Variants in USP8 observed in about 807,000 individuals in gnomAD.
The protein encoded by USP8 is ubiquitin specific peptidase 8, also known as ubiquitin carboxyl-terminal hydrolase 8.
Under a neutral mutation model 130.0 loss-of-function variants are expected in USP8, and 27 were observed. The observed-to-expected ratio is 0.21, with a 90% CI of 0.15 to 0.29. The LOEUF is 0.29. USP8 is among the 10% of genes least tolerant of loss of function. USP8 has a pLI of 1.00. For missense variants in USP8, 1,029 were observed against 1,312.2 expected (o/e 0.78, Z 3.33); for synonymous variants, 392 against 444.1 (o/e 0.88, Z 1.48).
intron 8 of USP8, among the ~76,000 whole-genome samples, chr15:50,472,588 C>G (rs1386457590): frequency 7.6e-6 from 1 of 132,202 alleles, no homozygotes; most frequent in African/African-American, 3.0e-5. Context: ...CAGAGCGAGA[C>G]TCTGTCTGGA....
chr15:50,440,565 G>A (rs1417648742), intron 2 of USP8, among the ~76,000 whole-genome samples: 2 of 152,116 alleles, frequency 1.3e-5, no homozygotes, highest in Non-Finnish European at 2.9e-5. Flanking sequence ...TTATTACTCT[G>A]TAATGTATAA....
chr15:50,477,556 A>G, intron 10 of USP8, 57 bp downstream of exon 10: 1 of 1,485,404 alleles, frequency 6.7e-7, no homozygotes. Flanking sequence ...AATATATAGT[A>G]TAGCTGGGCA....
chr15:50,477,310 T>C lies in USP8; in HGVS notation c.1029T>C (p.Ile343=). Residue 343 remains isoleucine, a synonymous_variant, in exon 10 of 20, where the codon ATT becomes ATC. Transcript: ENST00000307179. ...CTTATCCCTCATTGGAAGAATCAAT[T>C]CCTTCTAAACCTGCTGCCCAGACGC... The part of the protein sequence containing the change: ...DFTYPSLEES[I]PSKPAAQTPP... 1 of 1,613,112 alleles carries C rather than the reference T, an allele frequency of 6.2e-7. No homozygotes were observed. The highest frequency in any genetic ancestry group is 8.5e-7 in the Non-Finnish European group (1 of 1,179,824).
intron 1 of USP8, among the ~76,000 whole-genome samples, chr15:50,426,158 A>G (rs923369227): frequency 3.3e-5 from 5 of 152,196 alleles, no homozygotes; most frequent in African/African-American, 1.2e-4. Flanking sequence ...CATAATGGAA[A>G]ATAATCAAAA....
rs558069019 is a variant in USP8, at chr15:50,429,309, T to G, written c.-66+4795T>G. ...GGCATAAGCATCCTGGAGGTGTTTT[T>G]TTTTTTTTTTTTGGAGGTGTTATTT... On this transcript the variant is annotated intron_variant, in intron 1 of 19. Coordinates refer to ENST00000307179, the MANE Select transcript of USP8 (RefSeq NM_005154.5). 2.8e-4 allele frequency among the ~76,000 whole-genome samples: 42 copies of G among 151,692 alleles called. No homozygotes were observed. The Middle Eastern group carries it at 0.01, about 37-fold the overall frequency.
intron 3 of USP8, among the ~76,000 whole-genome samples, chr15:50,441,791 G>A (rs2050269798): frequency 1.3e-5 from 2 of 151,918 alleles, no homozygotes; most frequent in African/African-American, 2.4e-5. Flanking sequence ...GAAGGATTGA[G>A]TTTGCTCATT....
chr15:50,465,982 C>T (rs1244660747), intron 7 of USP8, among the ~76,000 whole-genome samples: 3 of 152,066 alleles, frequency 2.0e-5, no homozygotes, highest in South Asian at 2.1e-4. Flanking sequence ...GGTCCTGGCA[C>T]GAGTAAGGAC....
In USP8 at chr15:50,499,284, T is replaced by C. The variant is rs2052528802; in HGVS notation, c.*196T>C. 2.4e-6 allele frequency: 1 copy of C among 423,802 alleles called. No individual in the cohort carries two copies. Among genetic ancestry groups the C allele is most frequent in the Non-Finnish European group, 4.0e-6 (1 of 252,936 alleles). The allele number at this position is 423,802 out of a possible 1,614,324, so 26.3% of individuals were successfully genotyped here. On this transcript the variant is annotated 3_prime_UTR_variant, in exon 20 of 20. Transcript: ENST00000307179. ...AACAAGTATTGCAGTAATCATCACT[T>C]ACAGGTACCATTTATTTCAAAACAA...
intron 4 of USP8, among the ~76,000 whole-genome samples, chr15:50,458,332 G>A (rs920419909): frequency 7.9e-5 from 12 of 152,158 alleles, no homozygotes; most frequent in Non-Finnish European, 1.6e-4. Context: ...TGTATATTTA[G>A]TAGAGATGGG....
intron 4 of USP8, among the ~76,000 whole-genome samples, chr15:50,455,699 A>G (rs1191504957): frequency 2.6e-5 from 4 of 152,148 alleles, no homozygotes; most frequent in Admixed American, 2.6e-4. Context: ...TTGTCCCACT[A>G]GGCAGTTAAC....
At position 50,502,042 on chromosome 15, in the gene USP8, G is replaced by A. The variant is rs2052597640; in HGVS notation, c.*2954G>A. 6.6e-6 allele frequency: 1 copy of A among 152,184 alleles called. No individual in the cohort carries two copies. Among genetic ancestry groups the A allele is most frequent in the African/African-American group, 2.4e-5 (1 of 41,450 alleles). 9.4% of individuals were successfully genotyped at this position (152,184 alleles called of 1,614,324 possible). ...GCTTATGAGGCCTAAAATATTTACTGTTTGGCCTTTAACAGAATAAGTTTG... is the reference window on the plus strand; with the variant it reads ...GCTTATGAGGCCTAAAATATTTACTATTTGGCCTTTAACAGAATAAGTTTG... On this transcript the variant is annotated 3_prime_UTR_variant, in exon 20 of 20. Transcript: ENST00000307179.
chr15:50,446,094 G>A (rs1173559581), intron 3 of USP8, among the ~76,000 whole-genome samples: 1 of 151,958 alleles, frequency 6.6e-6, no homozygotes, highest in African/African-American at 2.4e-5. Flanking sequence ...ATTCTTCATT[G>A]GTAAACCTAT....
chr15:50,493,065 G>A (rs1239755696), intron 15 of USP8, 152 bp downstream of exon 15: 1 of 835,526 alleles, frequency 1.2e-6, no homozygotes, highest in East Asian at 2.7e-5. Context: ...CTTAGTTCTT[G>A]ACTGGGAAGG....
In USP8 at chr15:50,514,072, T is replaced by C. The variant is rs919127977; in HGVS notation, c.*14984T>C. On this transcript the variant is annotated 3_prime_UTR_variant, in exon 20 of 20. Coordinates refer to ENST00000307179, the MANE Select transcript of USP8 (RefSeq NM_005154.5). ...GTAGTATTTTCATACAATGGAATAC[T>C]ATACAGCAATGAGAATGAATAAATT... 4.6e-5 allele frequency: 7 copies of C among 152,236 alleles called. No homozygotes were observed. The highest frequency in any genetic ancestry group is 3.9e-4 in the Admixed American group (6 of 15,276). 9.4% of individuals were successfully genotyped at this position (152,236 alleles called of 1,614,324 possible). A position where few individuals can be genotyped will look rare whatever the true frequency, so the allele number is the denominator to read the frequency against.
At position 50,499,965 on chromosome 15, in the gene USP8, T is replaced by G. The variant is rs1019499759; in HGVS notation, c.*877T>G. 1 of 152,190 alleles carries G rather than the reference T, an allele frequency of 6.6e-6. No homozygotes were observed. Among genetic ancestry groups the G allele is most frequent in the South Asian group, 2.1e-4 (1 of 4,828 alleles). 9.4% of individuals were successfully genotyped at this position (152,190 alleles called of 1,614,324 possible). On this transcript the variant is annotated 3_prime_UTR_variant, in exon 20 of 20. Transcript: ENST00000307179. ...AAAAATGCCGGGAGTCAGGCATGAT[T>G]GCAAAGTGAACTGCATTATAAACTA...
intron 8 of USP8, among the ~76,000 whole-genome samples, chr15:50,475,588 T>C (rs1010054510): frequency 2.6e-5 from 4 of 151,836 alleles, no homozygotes; most frequent in Admixed American, 2.0e-4. Context: ...CACACACACA[T>C]ATATATATAT....
chr15:50,474,596 A>G (rs781582105), intron 8 of USP8, among the ~76,000 whole-genome samples: 6 of 152,230 alleles, frequency 3.9e-5, no homozygotes, highest in Non-Finnish European at 7.3e-5. Context: ...GGTGACATAA[A>G]TCAATGAAGA....
chr15:50,501,270 G>A lies in USP8; in HGVS notation c.*2182G>A, dbSNP rs2052581865. On this transcript the variant is annotated 3_prime_UTR_variant, in exon 20 of 20. Coordinates refer to ENST00000307179, the MANE Select transcript of USP8 (RefSeq NM_005154.5). Reference sequence around the variant, plus strand: ...AGTCCAGGAGTTCAAGACCAGCCTGGGCAAAATAGCGAGACTCCATATCTT... The same window carrying A: ...AGTCCAGGAGTTCAAGACCAGCCTGAGCAAAATAGCGAGACTCCATATCTT... The A allele has an allele frequency of 6.5e-6, 1 of 152,918 alleles. No homozygotes were observed. The highest frequency in any genetic ancestry group is 6.5e-5 in the Admixed American group (1 of 15,272). The allele number at this position is 152,918 out of a possible 1,614,324, so 9.5% of individuals were successfully genotyped here.
At chr15:50,454,525 G>T (rs2050728726) in intron 4 of USP8, among the ~76,000 whole-genome samples, 1 of 145,772 alleles carries the variant, frequency 6.9e-6, no homozygotes, top group Non-Finnish European at 1.5e-5. Flanking sequence ...ACACGATCTT[G>T]GCTTGCTGCA....
Sources: gnomAD v4.1 joint callset for allele counts (sites outside exome capture counted in the v4.1 genomes callset) on GRCh38, gnomAD v4.1.1 for gene constraint, MANE v1.5 for transcripts, NCBI Gene and HGNC (gene_info 2026-07-23, HGNC 2026-07-21) for gene names.